The following KCNK2 variants were observed in gnomAD, a reference collection of about 807,000 sequenced individuals.
KCNK2 encodes potassium two pore domain channel subfamily K member 2.
In KCNK2, 21 loss-of-function variants were observed where a neutral mutation model predicts 40.5. The observed-to-expected ratio is 0.52, with a 90% confidence interval of 0.37 to 0.75. The LOEUF (loss-of-function observed/expected upper bound fraction) is 0.75. KCNK2 is among the 30% of genes least tolerant of loss of function. The probability of loss-of-function intolerance (pLI) is 0.00; values close to 1 mark genes in which losing one functional copy is unlikely to be tolerated. For missense variants in KCNK2, 399 were observed against 531.6 expected (o/e 0.75, Z 2.45); for synonymous variants, 191 against 202.2 (o/e 0.94, Z 0.47).
At chr1:215,142,500 G>A (rs1662228023) in intron 3 of KCNK2, among the ~76,000 whole-genome samples, 1 of 152,276 alleles carries the variant, frequency 6.6e-6, no homozygotes, top group South Asian at 2.1e-4. Context: ...CAGCAAAATA[G>A]ACTGGGAATG....
At chr1:215,065,181 A>G (rs1658493101) in intron 1 of KCNK2, among the ~76,000 whole-genome samples, 1 of 152,212 alleles carries the variant, frequency 6.6e-6, no homozygotes. Context: ...AACTCTGAAA[A>G]TGGAACAAGA....
At chr1:215,072,092 C>T (rs1439592223) in intron 1 of KCNK2, among the ~76,000 whole-genome samples, 1 of 152,180 alleles carries the variant, frequency 6.6e-6, no homozygotes, top group South Asian at 2.1e-4. Context: ...CTCCTTAGTG[C>T]TGGCCCTGCA....
At chr1:215,024,245 A>G (rs1656917845) in intron 1 of KCNK2, among the ~76,000 whole-genome samples, 1 of 152,208 alleles carries the variant, frequency 6.6e-6, no homozygotes, top group African/African-American at 2.4e-5. Flanking sequence ...GACACATGGA[A>G]TAAAACAATC....
chr1:215,012,725 C>A (rs1172860481), intron 1 of KCNK2, among the ~76,000 whole-genome samples: 1 of 145,200 alleles, frequency 6.9e-6, no homozygotes, highest in African/African-American at 2.5e-5. Context: ...TTTTTTTTAA[C>A]TGGACATTTG....
chr1:215,128,026 G>C (rs561074826), intron 3 of KCNK2, among the ~76,000 whole-genome samples: 2 of 152,320 alleles, frequency 1.3e-5, no homozygotes, highest in South Asian at 4.1e-4. Context: ...TCAGGGAGAA[G>C]TGTGAATAAA....
chr1:215,075,431 G>A (rs1658894758), intron 1 of KCNK2, among the ~76,000 whole-genome samples: 1 of 152,132 alleles, frequency 6.6e-6, no homozygotes, highest in Non-Finnish European at 1.5e-5. Flanking sequence ...GTGTTTTACT[G>A]AATAGATATG....
At chr1:215,006,623 C>G (rs1249576058) in intron 1 of KCNK2, among the ~76,000 whole-genome samples, 1 of 152,048 alleles carries the variant, frequency 6.6e-6, no homozygotes, top group African/African-American at 2.4e-5. Flanking sequence ...TAAAACTCAT[C>G]AAAAGTATAA....
At chr1:215,115,815 C>G (rs1475176885) in intron 2 of KCNK2, among the ~76,000 whole-genome samples, 1 of 152,030 alleles carries the variant, frequency 6.6e-6, no homozygotes, top group African/African-American at 2.4e-5. Flanking sequence ...GATTAATGGT[C>G]CCATAAAATA....
intron 1 of KCNK2, among the ~76,000 whole-genome samples, chr1:215,038,255 C>T (rs1261955854): frequency 6.6e-6 from 1 of 152,038 alleles, no homozygotes; most frequent in African/African-American, 2.4e-5. Context: ...AGTCCTCATT[C>T]ATTTCCTTGC....
At chr1:215,142,528 G>A (rs1358916799) in intron 3 of KCNK2, among the ~76,000 whole-genome samples, 1 of 152,122 alleles carries the variant, frequency 6.6e-6, no homozygotes, top group African/African-American at 2.4e-5. Context: ...CAATTTTAAT[G>A]GAGTCTAAAA....
At chr1:215,128,960 G>A (rs1661555221) in intron 3 of KCNK2, among the ~76,000 whole-genome samples, 1 of 152,170 alleles carries the variant, frequency 6.6e-6, no homozygotes, top group African/African-American at 2.4e-5. Context: ...CATTTGTCAG[G>A]AAGAGGATTA....
chr1:215,074,076 T>G (rs980313060), intron 1 of KCNK2, among the ~76,000 whole-genome samples: 7 of 152,092 alleles, frequency 4.6e-5, no homozygotes, highest in Admixed American at 3.3e-4. Context: ...GAGGTAATGG[T>G]GGTGGCAGTC....
In KCNK2 at chr1:215,086,388, G is replaced by A. The variant is rs987575483; in HGVS notation, c.67G>A (p.Asp23Asn). The change falls in exon 2 of 7, where the codon GAT (aspartate) becomes AAT (asparagine). Residue 23 changes from aspartate (D) to asparagine (N), a missense_variant. Physicochemically the swap from Asp to Asn is conservative, Grantham distance 23. Around this residue, in one of 3 missense-constraint regions of KCNK2, gnomAD observed 279 missense variants for 353.8 expected, o/e 0.79. Coordinates refer to ENST00000444842, the MANE Select transcript of KCNK2 (RefSeq NM_001017425.3). ...GTCAGTGGCGGCACCTGACTTGCTG[G>A]ATCCTAAATCTGCCGCTCAGAACTC... The part of the protein sequence containing the change: ...RAGVAAPDLL[D>N]PKSAAQNSKP... 2.5e-6 allele frequency: 4 copies of A among 1,613,850 alleles called. No individual in the cohort carries two copies. In the African/African-American group the frequency reaches 5.3e-5, roughly 22 times the overall value.
At chr1:215,152,226 A>T (rs942094563) in intron 3 of KCNK2, among the ~76,000 whole-genome samples, 23 of 152,140 alleles carry the variant, frequency 1.5e-4, no homozygotes, top group African/African-American at 4.8e-4. Flanking sequence ...CTCTGAGTAG[A>T]TAGAACATTT....
chr1:215,084,857 A>C (rs900771959), intron 1 of KCNK2, among the ~76,000 whole-genome samples: 3 of 152,174 alleles, frequency 2.0e-5, no homozygotes, highest in Non-Finnish European at 4.4e-5. Flanking sequence ...ATCTCTTCCA[A>C]ATCAGATCCA....
intron 6 of KCNK2, among the ~76,000 whole-genome samples, chr1:215,204,700 A>G (rs1665240165): frequency 6.6e-6 from 1 of 152,188 alleles, no homozygotes; most frequent in Admixed American, 6.5e-5. Flanking sequence ...TTTGCTGAGA[A>G]CAGAAGAAAA....
chr1:215,146,519 C>T (rs1019523537), intron 3 of KCNK2, among the ~76,000 whole-genome samples: 1 of 152,142 alleles, frequency 6.6e-6, no homozygotes. Context: ...AAAGTTGACA[C>T]AAAATGTCAA....
At position 215,086,472 on chromosome 1, in the gene KCNK2, G is replaced by A; in HGVS notation, c.151G>A (p.Asp51Asn). The change falls in exon 2 of 7, where the codon GAC becomes AAC. Residue 51 changes from aspartate (D) to asparagine (N), a missense_variant. Asp to Asn is a conservative substitution (Grantham distance 23, BLOSUM62 1). Coordinates refer to ENST00000444842, the MANE Select transcript of KCNK2 (RefSeq NM_001017425.3). Reference protein sequence around the residue: ...PTVLASRVESDTTINVMKWKT... With the variant: ...PTVLASRVESNTTINVMKWKT... ...AGTGCTTGCTTCCCGGGTGGAGAGT[G>A]ACACGACCATTAATGTTATGAAATG... The A allele has an allele frequency of 6.2e-7, 1 of 1,614,058 alleles. No individual in the cohort carries two copies. The highest frequency in any genetic ancestry group is 1.6e-4 in the Middle Eastern group (1 of 6,062).
At chr1:215,231,382 TCTCA>T in intron 6 of KCNK2, among the ~76,000 whole-genome samples, 1 of 152,074 alleles carries the variant, frequency 6.6e-6, no homozygotes, top group Non-Finnish European at 1.5e-5. Context: ...TAAAAAGGAC[TCTCA>T]CTGGTAATAC....
Sources: gnomAD v4.1 joint callset for allele counts (sites outside exome capture counted in the v4.1 genomes callset) on GRCh38, gnomAD v4.1.1 for gene constraint, gnomAD v4.1.1 regional missense constraint, MANE v1.5 for transcripts, NCBI Gene and HGNC (gene_info 2026-07-23, HGNC 2026-07-21) for gene names.